GRIK1: variants seen among roughly 807,000 people sequenced by gnomAD.
GRIK1 encodes glutamate receptor ionotropic, kainate 1.
A neutral mutation model predicts 105.7 loss-of-function variants in GRIK1; 69 were observed. The observed-to-expected ratio is 0.65, with a 90% CI of 0.54 to 0.80. The LOEUF is 0.80. GRIK1 is among the 30% of genes least tolerant of loss of function. GRIK1 has a pLI of 0.00. For synonymous variants in GRIK1, 438 were observed against 431.3 expected, an observed-to-expected ratio of 1.02 and a Z score of -0.19; for missense variants, 1,109 against 1,167.3, an observed-to-expected ratio of 0.95 and a Z score of 0.73.
intron 12 of GRIK1, among the ~76,000 whole-genome samples, chr21:29,586,846 C>G (rs2091140288): frequency 1.3e-5 from 2 of 152,282 alleles, no homozygotes; most frequent in South Asian, 4.2e-4. Context: ...TTCTAGAATT[C>G]TCTTTAACTT....
At chr21:29,764,808 G>T (rs1263413978) in intron 1 of GRIK1, among the ~76,000 whole-genome samples, 1 of 152,116 alleles carries the variant, frequency 6.6e-6, no homozygotes, top group Non-Finnish European at 1.5e-5. Context: ...TGATAGTTTG[G>T]ATGCAAAAAT....
chr21:29,825,038 T>C (rs2067413282), intron 1 of GRIK1, among the ~76,000 whole-genome samples: 1 of 152,058 alleles, frequency 6.6e-6, no homozygotes, highest in Non-Finnish European at 1.5e-5. Flanking sequence ...TATATTATTG[T>C]GGGAAGAATT....
intron 1 of GRIK1, among the ~76,000 whole-genome samples, chr21:29,797,871 A>G (rs2066600828): frequency 2.0e-5 from 3 of 152,130 alleles, no homozygotes; most frequent in Middle Eastern, 3.2e-3. Context: ...TCATCCCTTT[A>G]TTATTGCCTC....
At chr21:29,605,654 A>G (rs1465853086) in intron 7 of GRIK1, among the ~76,000 whole-genome samples, 2 of 152,162 alleles carry the variant, frequency 1.3e-5, no homozygotes, top group South Asian at 2.1e-4. Context: ...TGTTTTCCAC[A>G]ATGGATGAAC....
chr21:29,881,242 T>G (rs894055274), intron 1 of GRIK1, among the ~76,000 whole-genome samples: 2 of 152,152 alleles, frequency 1.3e-5, no homozygotes, highest in Non-Finnish European at 2.9e-5. Context: ...TATGTCCAAT[T>G]TATTTGCCTA....
intron 2 of GRIK1, among the ~76,000 whole-genome samples, chr21:29,693,413 T>G (rs955868497): frequency 1.2e-4 from 18 of 152,198 alleles, no homozygotes; most frequent in African/African-American, 4.3e-4. Flanking sequence ...AATCTTCATA[T>G]TTCTATGATT....
intron 4 of GRIK1, among the ~76,000 whole-genome samples, chr21:29,665,939 A>G (rs1316295039): frequency 1.3e-5 from 2 of 152,238 alleles, no homozygotes; most frequent in Non-Finnish European, 2.9e-5. Context: ...TTATGCATGC[A>G]GTAAATACCA....
chr21:29,891,179 T>C (rs1454565110), intron 1 of GRIK1, among the ~76,000 whole-genome samples: 1 of 152,212 alleles, frequency 6.6e-6, no homozygotes, highest in Non-Finnish European at 1.5e-5. Context: ...CATTCTTCTT[T>C]CATTCTGTTT....
chr21:29,795,243 C>T (rs2066526408), intron 1 of GRIK1, among the ~76,000 whole-genome samples: 1 of 151,872 alleles, frequency 6.6e-6, no homozygotes, highest in South Asian at 2.1e-4. Context: ...ACCATGTTGG[C>T]CAGGCTGGTC....
intron 3 of GRIK1, among the ~76,000 whole-genome samples, chr21:29,686,997 A>T (rs1179466157): frequency 2.0e-5 from 3 of 152,182 alleles, no homozygotes; most frequent in African/African-American, 7.2e-5. Flanking sequence ...GACTAACGGG[A>T]AGGACATCCA....
intron 1 of GRIK1, among the ~76,000 whole-genome samples, chr21:29,705,087 G>A (rs928318106): frequency 3.9e-5 from 6 of 152,174 alleles, no homozygotes; most frequent in African/African-American, 1.4e-4. Flanking sequence ...TTCCAGGGAA[G>A]CTATATTATG....
intron 1 of GRIK1, among the ~76,000 whole-genome samples, chr21:29,918,302 A>G (rs960020616): frequency 2.0e-5 from 3 of 152,130 alleles, no homozygotes; most frequent in African/African-American, 7.2e-5. Context: ...CACATTCCCA[A>G]GCACTGTACT....
chr21:29,618,982 C>T (rs2061917684), intron 7 of GRIK1, among the ~76,000 whole-genome samples: 1 of 150,612 alleles, frequency 6.6e-6, no homozygotes, highest in South Asian at 2.1e-4. Context: ...AAAAATTAGC[C>T]AGGTGTGGTG....
intron 1 of GRIK1, among the ~76,000 whole-genome samples, chr21:29,807,676 G>A (rs1329615518): frequency 3.3e-5 from 5 of 152,178 alleles, no homozygotes; most frequent in African/African-American, 1.2e-4. Flanking sequence ...GAACAAATTT[G>A]TTGATACATA....
At chr21:29,827,062 C>A (rs1296321473) in intron 1 of GRIK1, among the ~76,000 whole-genome samples, 1 of 152,070 alleles carries the variant, frequency 6.6e-6, no homozygotes, top group Non-Finnish European at 1.5e-5. Flanking sequence ...GCTAAAAAAT[C>A]ACCCATTTTG....
intron 1 of GRIK1, among the ~76,000 whole-genome samples, chr21:29,933,351 G>T (rs9982938): frequency 0.68 from 103,080 of 151,312 alleles, 35,261 homozygotes; most frequent in East Asian, 0.83. Flanking sequence ...GGCCCATGTT[G>T]CCTCAAGTGT....
chr21:29,683,912 G>T (rs892343369), intron 3 of GRIK1, among the ~76,000 whole-genome samples: 13 of 152,154 alleles, frequency 8.5e-5, no homozygotes, highest in Non-Finnish European at 1.8e-4. Context: ...TGTTCCCTCT[G>T]CCTGATGTCT....
At chr21:29,726,973 A>T (rs544095294) in intron 1 of GRIK1, among the ~76,000 whole-genome samples, 2 of 152,116 alleles carry the variant, frequency 1.3e-5, no homozygotes, top group African/African-American at 2.4e-5. Flanking sequence ...TCTGTCACCC[A>T]GGTTGCAGTG....
intron 1 of GRIK1, among the ~76,000 whole-genome samples, chr21:29,792,063 G>T (rs2066432691): frequency 6.6e-6 from 1 of 152,070 alleles, no homozygotes; most frequent in Non-Finnish European, 1.5e-5. Context: ...CAATTTTGGA[G>T]TTTAACCCAT....
Sources: allele counts gnomAD v4.1 joint callset (sites outside exome capture counted in the v4.1 genomes callset), GRCh38; gene constraint gnomAD v4.1.1; transcripts MANE v1.5; gene names NCBI Gene and HGNC (gene_info 2026-07-23, HGNC 2026-07-21).